Variants in CHRNB4 observed in about 807,000 individuals in gnomAD.
The protein encoded by CHRNB4 is cholinergic receptor nicotinic beta 4 subunit, also known as neuronal acetylcholine receptor subunit beta-4.
A neutral mutation model predicts 40.4 loss-of-function variants in CHRNB4; 23 were observed. That is an observed-to-expected ratio of 0.57 (90% confidence interval 0.41 to 0.81). CHRNB4 has a LOEUF of 0.81. Ranked by LOEUF, CHRNB4 falls within the 30% of genes least tolerant of loss-of-function variation. The pLI, the probability that CHRNB4 is intolerant of heterozygous loss-of-function variation, is 0.00. For synonymous variants in CHRNB4, 285 were observed against 274.4 expected (o/e 1.04, Z -0.38); for missense variants, 568 against 670.6 (o/e 0.85, Z 1.69).
rs1333888846 is a variant in CHRNB4 at position 78,629,024 on chromosome 15, T to C, written c.1281A>G (p.Ala427=). 3.7e-6 allele frequency: 6 copies of C among 1,614,112 alleles called. No homozygotes were observed. Among genetic ancestry groups the C allele is most frequent in the Non-Finnish European group, 5.1e-6 (6 of 1,180,022 alleles). Residue 427 remains alanine (A), a synonymous_variant, in exon 5 of 6, where the codon GCA becomes GCG. Coordinates refer to ENST00000261751, the MANE Select transcript of CHRNB4 (RefSeq NM_000750.5). This position sits in a 1 kb window ranked among gnomAD's most constrained non-coding sequence, Gnocchi z 6.8. ...GGGCGATGAAGCTGACACCTTCTAA[T>C]GCCTCCTGCACATCCTGTCGGAACC... The part of the protein sequence containing the change: ...SGRFRQDVQE[A]LEGVSFIAQH...
At chr15:78,627,171 A>C (rs1415017410) in intron 5 of CHRNB4, 1 of 152,252 alleles carries the variant, frequency 6.6e-6, no homozygotes, top group African/African-American at 2.4e-5. Flanking sequence ...GGTGATGCTG[A>C]CCTACAGAAT....
At chr15:78,652,348 T>TAG in intron 6 of CHRNB4, among the ~76,000 whole-genome samples, 1 of 152,230 alleles carries the variant, frequency 6.6e-6, no homozygotes, top group Non-Finnish European at 1.5e-5. Flanking sequence ...TTGCCATGTC[T>TAG]GAGGCACACA....
At chr15:78,641,924 G>A (rs1239199494), upstream of CHRNB4, among the ~76,000 whole-genome samples, 2 of 152,172 alleles carry the variant, frequency 1.3e-5, no homozygotes, top group Non-Finnish European at 2.9e-5. Context: ...CGGGTGGGGG[G>A]ACAGCCCCCA....
chr15:78,656,979 C>T (rs985604682), intron 3 of CHRNB4, among the ~76,000 whole-genome samples: 1 of 152,184 alleles, frequency 6.6e-6, no homozygotes, highest in Admixed American at 6.5e-5. Context: ...AGCCCTTAAA[C>T]TCAGCTTCTC....
At chr15:78,657,576 C>T (rs546700975) in intron 2 of CHRNB4, among the ~76,000 whole-genome samples, 9 of 151,712 alleles carry the variant, frequency 5.9e-5, no homozygotes, top group South Asian at 4.2e-4. Flanking sequence ...ATTTATGAGA[C>T]GGAGTCTCAC....
chr15:78,650,386 G>A (rs952757434), intron 6 of CHRNB4, among the ~76,000 whole-genome samples: 1 of 152,204 alleles, frequency 6.6e-6, no homozygotes, highest in African/African-American at 2.4e-5. Flanking sequence ...GGTGTCCAAG[G>A]ATTCATCCAG....
chr15:78,646,851 C>G (rs571307230), intron 7 of CHRNB4, among the ~76,000 whole-genome samples: 2 of 152,148 alleles, frequency 1.3e-5, no homozygotes, highest in Non-Finnish European at 2.9e-5. Flanking sequence ...AAACAAAATA[C>G]TGAAAGTGGC....
Position 78,640,956 on chromosome 15 carries a change from C to G in CHRNB4, c.55+123G>C, listed in dbSNP as rs569657066. 2.2e-4 allele frequency: 256 copies of G among 1,150,510 alleles called. 3 individuals are homozygous for G. The South Asian group carries it at 3.1e-3, about 14-fold the overall frequency. 71.3% of individuals were successfully genotyped at this position (1,150,510 alleles called of 1,614,324 possible). A position where few individuals can be genotyped will look rare whatever the true frequency, so the allele number is the denominator to read the frequency against. The stretch of plus-strand genomic sequence containing the variant: ...AGCCCTGCCCACGCCCCCATCTGGC[C>G]GGGACAATCTCGGGCCACTCCCCCG... On this transcript the variant is annotated intron_variant, in intron 1 of 5. Coordinates refer to ENST00000261751, the MANE Select transcript of CHRNB4 (RefSeq NM_000750.5).
intron 5 of CHRNB4, 23 bp downstream of exon 5, chr15:78,628,944 G>GC (rs1181119617): frequency 6.3e-7 from 1 of 1,592,522 alleles, no homozygotes; most frequent in African/African-American, 1.3e-5. Flanking sequence ...GGGCAGGTGG[G>GC]CAGGGGCTGG....
intron 1 of CHRNB4, among the ~76,000 whole-genome samples, chr15:78,638,711 G>A (rs1406854951): frequency 1.8e-4 from 27 of 152,252 alleles, no homozygotes. Flanking sequence ...CCCAAAAAGG[G>A]GCGACGGAGC....
chr15:78,657,035 C>T (rs75761874), intron 3 of CHRNB4, among the ~76,000 whole-genome samples: 50 of 144,918 alleles, frequency 3.5e-4, no homozygotes, highest in East Asian at 1.8e-3. Context: ...TTCTTTTCTT[C>T]TTTTTTTTTT....
At chr15:78,642,176 A>G (rs1475577445), upstream of CHRNB4, among the ~76,000 whole-genome samples, 2 of 152,222 alleles carry the variant, frequency 1.3e-5, no homozygotes, top group East Asian at 1.9e-4. Context: ...TCATTTTGCT[A>G]TAATCTGACA....
At chr15:78,626,384 G>GTGTGTGTGTGTGTGTGTGTGTGTGT in intron 5 of CHRNB4, 1 of 86,874 alleles carries the variant, frequency 1.2e-5, no homozygotes, top group African/African-American at 3.9e-5. Context: ...GTGTGTGTGT[G>GTGTGTGTGTGTGTGTGTGTGTGTGT]TTTCCCCCTT....
At position 78,635,599 on chromosome 15, in the gene CHRNB4, C is replaced by T. The variant is rs879818418; in HGVS notation, c.56-12G>A. On this transcript the variant is annotated splice_polypyrimidine_tract_variant and intron_variant, in intron 1 of 5. Coordinates refer to ENST00000261751, the MANE Select transcript of CHRNB4 (RefSeq NM_000750.5). ...CACGCGGCAGTTCCCTGAGAAAACA[C>T]ACAGTCAGACCTGCTGGGCCCTTGT... 10 of 1,613,714 alleles carry T rather than the reference C, an allele frequency of 6.2e-6. No individual in the cohort carries two copies. Among genetic ancestry groups the T allele is most frequent in the African/African-American group, 1.3e-5 (1 of 74,924 alleles).
At position 78,629,267 on chromosome 15, in the gene CHRNB4, G is replaced by A; in HGVS notation, c.1038C>T (p.Phe346=). The A allele has an allele frequency of 6.2e-7, 1 of 1,613,394 alleles. No homozygotes were observed. The highest frequency in any genetic ancestry group is 8.5e-7 in the Non-Finnish European group (1 of 1,179,540). Residue 346 remains phenylalanine (F), a synonymous_variant, in exon 5 of 6, where the codon TTC becomes TTT. Coordinates refer to ENST00000261751, the MANE Select transcript of CHRNB4 (RefSeq NM_000750.5). The surrounding 1 kb of genome is among the most constrained non-coding windows in gnomAD (Gnocchi z 6.8). ...CFLHKLPTFL[F]MKRPGPDSSP... ...TGCTGTCGGGGCCAGGGCGCTTCAT[G>A]AAGAGGAAGGTAGGCAGCTTGTGCA...
At chr15:78,647,861 C>CAAAAAAAA (rs146991423) in intron 7 of CHRNB4, among the ~76,000 whole-genome samples, 22 of 39,116 alleles carry the variant, frequency 5.6e-4, no homozygotes, top group African/African-American at 1.8e-3. Flanking sequence ...GACTCCATCT[C>CAAAAAAAA]AAAAAAAAAA....
chr15:78,635,007 C>T (rs1393845436), intron 2 of CHRNB4, among the ~76,000 whole-genome samples: 1 of 152,172 alleles, frequency 6.6e-6, no homozygotes, highest in Non-Finnish European at 1.5e-5. Flanking sequence ...TGGTCCTGCC[C>T]CTACACCTGG....
chr15:78,631,052 G>T (rs2053795581), intron 4 of CHRNB4, 24 bp downstream of exon 4: 4 of 1,593,974 alleles, frequency 2.5e-6, no homozygotes, highest in Non-Finnish European at 3.4e-6. Flanking sequence ...CTGTCACCAG[G>T]CCTCCACCAA....
In CHRNB4 at chr15:78,639,456, G is replaced by A. The variant is rs533443215; in HGVS notation, c.55+1623C>T. ...TGGGACTACAGGCGCCTGCTACCACGCCCGGTTAATTTTTTGTATTTTTAG... is the reference window on the plus strand; with the variant it reads ...TGGGACTACAGGCGCCTGCTACCACACCCGGTTAATTTTTTGTATTTTTAG... On this transcript the variant is annotated intron_variant, in intron 1 of 5. Coordinates refer to ENST00000261751, the MANE Select transcript of CHRNB4 (RefSeq NM_000750.5). Among the ~76,000 whole-genome samples the A allele has an allele frequency of 1.5e-4, 23 of 152,028 alleles. No homozygotes were observed. In the East Asian group the frequency reaches 4.3e-3, roughly 28 times the overall value.
Sources: allele counts gnomAD v4.1 joint callset (sites outside exome capture counted in the v4.1 genomes callset), GRCh38; gene constraint gnomAD v4.1.1; non-coding constraint Gnocchi (gnomAD v3.1); transcripts MANE v1.5; gene names NCBI Gene and HGNC (gene_info 2026-07-23, HGNC 2026-07-21).